The following DSTYK variants were observed in gnomAD, a reference collection of about 807,000 sequenced individuals.
The protein encoded by DSTYK is dual serine/threonine and tyrosine protein kinase, also known as RIP-homologous kinase.
A neutral mutation model predicts 98.7 loss-of-function variants in DSTYK; 34 were observed. The ratio of observed to expected loss-of-function variants is 0.34; its 90% CI spans 0.26 to 0.46. DSTYK has a LOEUF of 0.46. DSTYK is among the 20% of genes least tolerant of loss of function. The pLI, the probability that DSTYK is intolerant of heterozygous loss-of-function variation, is 1.00. For missense variants in DSTYK, 962 were observed against 1,181.7 expected (o/e 0.81, Z 2.73); for synonymous variants, 462 against 457.3 (o/e 1.01, Z -0.13).
In DSTYK at chr1:205,183,079, A is replaced by AGC. The variant is rs1553364959; in HGVS notation, c.654+4337_654+4338dup. Among the ~76,000 whole-genome samples the AGC allele has an allele frequency of 8.0e-3, 983 of 122,302 alleles. 14 individuals carry two copies. Among genetic ancestry groups the AGC allele is most frequent in the African/African-American group, 0.025 (821 of 32,322 alleles). The allele number at this position is 122,302 out of a possible 152,430, so 80.2% of individuals were successfully genotyped here. A position where few individuals can be genotyped will look rare whatever the true frequency, so the allele number is the denominator to read the frequency against. ...TAGGTGTTCACAGGAAAAAAAAAAA[A>AGC]GCACACACACACACACACACACAGA... On this transcript the variant is annotated intron_variant, in intron 2 of 12. Coordinates refer to ENST00000367162, the MANE Select transcript of DSTYK (RefSeq NM_015375.3).
At chr1:205,187,302 G>T in intron 2 of DSTYK, 116 bp downstream of exon 2, 2 of 1,197,110 alleles carry the variant, frequency 1.7e-6, no homozygotes, top group Non-Finnish European at 2.3e-6. Flanking sequence ...GACTCCACTA[G>T]CCACTGCTGC....
At chr1:205,173,419 A>C (rs888885179) in intron 2 of DSTYK, 12 of 151,778 alleles carry the variant, frequency 7.9e-5, no homozygotes, top group African/African-American at 2.2e-4. Flanking sequence ...AAAGAAAAGA[A>C]AAGAAAACAG....
intron 1 of DSTYK, among the ~76,000 whole-genome samples, chr1:205,188,439 T>C (rs1466101416): frequency 6.6e-6 from 1 of 152,174 alleles, no homozygotes; most frequent in Non-Finnish European, 1.5e-5. Flanking sequence ...GTTCCTAGGC[T>C]ACAAACTTGT....
intron 1 of DSTYK, among the ~76,000 whole-genome samples, chr1:205,190,214 A>G (rs1658669318): frequency 6.6e-6 from 1 of 152,250 alleles, no homozygotes; most frequent in African/African-American, 2.4e-5. Context: ...TAGTGGGGAC[A>G]GCTACCTATA....
intron 10 of DSTYK, among the ~76,000 whole-genome samples, chr1:205,153,048 G>A (rs982697335): frequency 1.3e-5 from 2 of 152,144 alleles, no homozygotes; most frequent in African/African-American, 4.8e-5. Flanking sequence ...AGAAAGTTGA[G>A]GTCCTCCGGT....
intron 1 of DSTYK, among the ~76,000 whole-genome samples, chr1:205,201,086 G>A (rs1659019714): frequency 6.6e-6 from 1 of 151,846 alleles, no homozygotes. Context: ...TGTATTTTCA[G>A]TAGAGATGGG....
At chr1:205,162,883 C>T (rs773307433) in intron 5 of DSTYK, 40 bp downstream of exon 5, 1 of 1,490,662 alleles carries the variant, frequency 6.7e-7, no homozygotes, top group Non-Finnish European at 9.4e-7. Flanking sequence ...TTTGAGCCAA[C>T]TAGGGGCTTT....
rs776840764 is a variant in DSTYK, at chr1:205,169,350, G to A, written c.1137C>T (p.Asp379=). ...GAGTGATCTGCAGGTCCCGCTGCAT[G>A]TCAAATGCCTGGTTAATAAAGATGT... ...CLDIFINQAF[D]MQRDLQITPK... Residue 379 remains aspartate, a synonymous_variant, in exon 3 of 13, where the codon GAC becomes GAT. Coordinates refer to ENST00000367162, the MANE Select transcript of DSTYK (RefSeq NM_015375.3). This position sits in a 1 kb window ranked among gnomAD's most constrained non-coding sequence, Gnocchi z 4.0. 1.9e-6 allele frequency: 3 copies of A among 1,614,046 alleles called. No individual in the cohort carries two copies. Among genetic ancestry groups the A allele is most frequent in the African/African-American group, 2.7e-5 (2 of 74,928 alleles).
At chr1:205,210,245 C>A (rs550083609) in intron 1 of DSTYK, among the ~76,000 whole-genome samples, 5 of 152,104 alleles carry the variant, frequency 3.3e-5, no homozygotes, top group Non-Finnish European at 5.9e-5. Flanking sequence ...TTAGGACCCA[C>A]TTCACACACC....
At chr1:205,198,386 G>A (rs1198901541) in intron 1 of DSTYK, among the ~76,000 whole-genome samples, 1 of 152,074 alleles carries the variant, frequency 6.6e-6, no homozygotes, top group African/African-American at 2.4e-5. Flanking sequence ...TTCTCTCCAT[G>A]GGACAGAACC....
intron 2 of DSTYK, among the ~76,000 whole-genome samples, chr1:205,183,363 T>C (rs1245906581): frequency 6.6e-6 from 1 of 152,192 alleles, no homozygotes; most frequent in Admixed American, 6.5e-5. Context: ...CCTCTATTGT[T>C]GAATTATGAA....
At chr1:205,204,937 T>C (rs1250678614) in intron 1 of DSTYK, among the ~76,000 whole-genome samples, 1 of 152,170 alleles carries the variant, frequency 6.6e-6, no homozygotes, top group African/African-American at 2.4e-5. Flanking sequence ...GTCACACAGT[T>C]AAAAAGAGAA....
chr1:205,144,259 G>T lies in DSTYK; in HGVS notation c.*3299C>A, dbSNP rs1009805851. 1 of 152,382 alleles carries T rather than the reference G, an allele frequency of 6.6e-6. No individual in the cohort carries two copies. Among genetic ancestry groups the T allele is most frequent in the Non-Finnish European group, 1.5e-5 (1 of 68,030 alleles). 9.4% of individuals were successfully genotyped at this position (152,382 alleles called of 1,614,324 possible). On this transcript the variant is annotated 3_prime_UTR_variant, in exon 13 of 13. Coordinates refer to ENST00000367162, the MANE Select transcript of DSTYK (RefSeq NM_015375.3). ...CATCATTTTCATGTTGGGGTAAGCT[G>T]CCCTAATTATGTTGATTAGAAGGAC... is the stretch of plus-strand genomic sequence containing the variant.
intron 4 of DSTYK, 123 bp downstream of exon 4, chr1:205,163,600 A>C: frequency 1.2e-6 from 1 of 842,386 alleles, no homozygotes; most frequent in Non-Finnish European, 1.9e-6. Flanking sequence ...AAACAAAATA[A>C]AATTCAAACA....
At chr1:205,157,175 G>T in intron 10 of DSTYK, 98 bp downstream of exon 10, 1 of 960,762 alleles carries the variant, frequency 1.0e-6, no homozygotes, top group Non-Finnish European at 1.6e-6. Flanking sequence ...CTTTCTGTGA[G>T]GACTTTTCTT....
intron 2 of DSTYK, among the ~76,000 whole-genome samples, chr1:205,183,101 C>T (rs911232005): frequency 6.7e-6 from 1 of 148,612 alleles, no homozygotes; most frequent in Non-Finnish European, 1.5e-5. Flanking sequence ...CACACACACA[C>T]AGAGATATAT....
chr1:205,210,701 A>T (rs1378936502), intron 1 of DSTYK, among the ~76,000 whole-genome samples: 1 of 152,136 alleles, frequency 6.6e-6, no homozygotes, highest in Non-Finnish European at 1.5e-5. Context: ...CACCCATCAG[A>T]TATGATTTCC....
At chr1:205,148,363 G>C in intron 11 of DSTYK, 24 bp from the exon 12 acceptor site, 1 of 1,611,564 alleles carries the variant, frequency 6.2e-7, no homozygotes, top group South Asian at 1.1e-5. Flanking sequence ...AGGATGAAAC[G>C]TAATGAGCCA....
intron 3 of DSTYK, among the ~76,000 whole-genome samples, chr1:205,166,191 G>T (rs998998605): frequency 6.6e-6 from 1 of 152,138 alleles, no homozygotes; most frequent in African/African-American, 2.4e-5. Flanking sequence ...GACAAGTGCA[G>T]AAGAACATAT....
Sources: gnomAD v4.1 joint callset for allele counts (sites outside exome capture counted in the v4.1 genomes callset) on GRCh38, gnomAD v4.1.1 for gene constraint, Gnocchi (gnomAD v3.1) non-coding constraint, MANE v1.5 for transcripts, NCBI Gene and HGNC (gene_info 2026-07-23, HGNC 2026-07-21) for gene names.